ASXL2: variants seen among roughly 807,000 people sequenced by gnomAD.
The protein encoded by ASXL2 is ASXL transcriptional regulator 2.
A neutral mutation model predicts 122.0 loss-of-function variants in ASXL2; 23 were observed. That is an observed-to-expected ratio of 0.19 (90% CI 0.14 to 0.27). The LOEUF (loss-of-function observed/expected upper bound fraction) is 0.27. Ranked by LOEUF, ASXL2 falls within the 10% of genes least tolerant of loss-of-function variation. The pLI is 1.00. For synonymous variants in ASXL2, 650 were observed against 637.0 expected (o/e 1.02, Z -0.31); for missense variants, 1,518 against 1,713.8 (o/e 0.89, Z 2.02).
chr2:25,877,085 T>C (rs530285292), intron 1 of ASXL2, among the ~76,000 whole-genome samples: 10 of 152,324 alleles, frequency 6.6e-5, no homozygotes, highest in African/African-American at 2.4e-4. Context: ...ACATTACTTT[T>C]ATATTTAAAA....
chr2:25,761,937 T>C (rs2088257695), intron 8 of ASXL2, among the ~76,000 whole-genome samples: 1 of 152,020 alleles, frequency 6.6e-6, no homozygotes, highest in African/African-American at 2.4e-5. Flanking sequence ...TGGGTTGAAA[T>C]ACAATACAGA....
chr2:25,750,341 T>G lies in ASXL2; in HGVS notation c.1215A>C (p.Pro405=). 6.2e-7 allele frequency: 1 copy of G among 1,613,924 alleles called. No individual in the cohort carries two copies. The highest frequency in any genetic ancestry group is 8.5e-7 in the Non-Finnish European group (1 of 1,179,868). ...CAGGCATGGATTTTGGTTGTTCAGCTGGGGTTTTCTTTACTTTGGGATCAC... is the reference window on the plus strand; with the variant it reads ...CAGGCATGGATTTTGGTTGTTCAGCGGGGGTTTTCTTTACTTTGGGATCAC... The part of the protein sequence containing the change: ...SPSDPKVKKT[P]AEQPKSMPVS... The change falls in exon 12 of 13, where the codon CCA becomes CCC. Residue 405 remains proline (P), a synonymous_variant. Transcript: ENST00000435504.
intron 3 of ASXL2, among the ~76,000 whole-genome samples, chr2:25,816,986 A>G (rs1325874611): frequency 7.9e-5 from 12 of 152,158 alleles, no homozygotes; most frequent in Non-Finnish European, 1.6e-4. Flanking sequence ...TTATCCAAGC[A>G]TGGTGGTAGG....
intron 1 of ASXL2, among the ~76,000 whole-genome samples, chr2:25,858,223 C>A (rs188204485): frequency 6.6e-6 from 1 of 152,152 alleles, no homozygotes; most frequent in Non-Finnish European, 1.5e-5. Context: ...ACAACTGATT[C>A]TTTTAAATTG....
At chr2:25,827,400 T>C (rs954639367) in intron 3 of ASXL2, among the ~76,000 whole-genome samples, 2 of 152,178 alleles carry the variant, frequency 1.3e-5, no homozygotes, top group African/African-American at 4.8e-5. Flanking sequence ...TTACGTTTGG[T>C]AATTTAGAAA....
intron 3 of ASXL2, among the ~76,000 whole-genome samples, chr2:25,829,287 C>CAT (rs1027909479): frequency 6.7e-6 from 1 of 148,870 alleles, no homozygotes; most frequent in East Asian, 1.9e-4. Context: ...GACACATACA[C>CAT]ATACACACAC....
chr2:25,801,945 T>G (rs548668918), intron 4 of ASXL2, among the ~76,000 whole-genome samples: 1 of 152,336 alleles, frequency 6.6e-6, no homozygotes, highest in Admixed American at 6.5e-5. Flanking sequence ...ATACACAAAC[T>G]GCTCAGTCAG....
At position 25,743,984 on chromosome 2, in the gene ASXL2, C is replaced by T. The variant is rs201533674; in HGVS notation, c.2353G>A (p.Val785Ile). The change falls in exon 13 of 13, where the codon GTC becomes ATC. Residue 785 changes from valine to isoleucine, a missense_variant. Physicochemically the swap from Val to Ile is conservative, Grantham distance 29. Coordinates refer to ENST00000435504, the MANE Select transcript of ASXL2 (RefSeq NM_018263.6). Reference sequence around the variant, plus strand: ...GGGACACTTGTGCATGCTCCACTGACGGCAGGTGTTGGAGGCACTGGGGGG... The same window carrying T: ...GGGACACTTGTGCATGCTCCACTGATGGCAGGTGTTGGAGGCACTGGGGGG... ...QTPPVPPTPA[V>I]SGACTSVPSP... 1.8e-4 allele frequency: 286 copies of T among 1,613,852 alleles called. No homozygotes were observed. Among genetic ancestry groups the T allele is most frequent in the East Asian group, 4.9e-4 (22 of 44,902 alleles).
rs2089167099 is a variant in ASXL2 at position 25,811,288 on chromosome 2, A to G, written c.144-4951T>C. ...TAAATAAATAAATAAATAACAAAAG[A>G]AAACAGTATAACCTAGAAGACAGAG... On this transcript the variant is annotated intron_variant, in intron 3 of 12. Transcript: ENST00000435504. Among the ~76,000 whole-genome samples the G allele has an allele frequency of 3.3e-5, 5 of 152,048 alleles. 1 individual carries two copies. The South Asian group carries it at 1.0e-3, about 32-fold the overall frequency.
chr2:25,846,197 TC>T, intron 1 of ASXL2, among the ~76,000 whole-genome samples: 2 of 152,330 alleles, frequency 1.3e-5, no homozygotes, highest in East Asian at 3.9e-4. Context: ...AGAGGGCATT[TC>T]TAAAGGTTGG....
At chr2:25,780,512 A>G (rs2088616554) in intron 5 of ASXL2, among the ~76,000 whole-genome samples, 1 of 152,192 alleles carries the variant, frequency 6.6e-6, no homozygotes, top group Non-Finnish European at 1.5e-5. Flanking sequence ...TTACTACCTA[A>G]AAATCTATTA....
chr2:25,750,467 A>G, intron 11 of ASXL2, 54 bp from the exon 12 acceptor site: 2 of 1,451,748 alleles, frequency 1.4e-6, no homozygotes, highest in South Asian at 1.4e-5. Flanking sequence ...ATGTTGCGAA[A>G]GCATTCATTA....
At chr2:25,819,459 C>A (rs960330265) in intron 3 of ASXL2, among the ~76,000 whole-genome samples, 1 of 152,000 alleles carries the variant, frequency 6.6e-6, no homozygotes, top group Non-Finnish European at 1.5e-5. Context: ...TTGCATAAAC[C>A]AAGTAATCAC....
chr2:25,768,851 C>A lies in ASXL2; in HGVS notation c.522G>T (p.Gln174His). ...KALKQALKQQ[Q>H]QKKQQQQCRP... ...TGCATTGCTGCTGCTGCTTCTTCTGCTGTTGCTGCTTTAGCGCCTATAAAG... is the reference window on the plus strand; with the variant it reads ...TGCATTGCTGCTGCTGCTTCTTCTGATGTTGCTGCTTTAGCGCCTATAAAG... Residue 174 changes from glutamine (Q) to histidine (H), a missense_variant, in exon 7 of 13, where the codon CAG becomes CAT. Physicochemically the swap from Gln to His is conservative, Grantham distance 24. Transcript: ENST00000435504. 1 of 1,613,602 alleles carries A rather than the reference C, an allele frequency of 6.2e-7. No homozygotes were observed. Among genetic ancestry groups the A allele is most frequent in the Non-Finnish European group, 8.5e-7 (1 of 1,179,640 alleles).
intron 1 of ASXL2, among the ~76,000 whole-genome samples, chr2:25,873,785 C>A (rs900161975): frequency 6.6e-6 from 1 of 151,858 alleles, no homozygotes; most frequent in Non-Finnish European, 1.5e-5. Flanking sequence ...AAAAAAACAC[C>A]CAATGTCCCT....
Position 25,743,390 on chromosome 2 carries a change from T to C in ASXL2, c.2947A>G (p.Thr983Ala). 1.2e-6 allele frequency: 2 copies of C among 1,613,956 alleles called. No homozygotes were observed. Among genetic ancestry groups the C allele is most frequent in the Non-Finnish European group, 1.7e-6 (2 of 1,179,906 alleles). ...TKVEMKTVPL[T>A]AKEERGMGAL... Reference sequence around the variant, plus strand: ...CCCATCCCCCTTTCCTCTTTTGCAGTCAGTGGAACCGTTTTCATTTCAACT... The same window carrying C: ...CCCATCCCCCTTTCCTCTTTTGCAGCCAGTGGAACCGTTTTCATTTCAACT... The change falls in exon 13 of 13, where the codon ACT (threonine) becomes GCT (alanine). Residue 983 changes from threonine to alanine, a missense_variant. Physicochemically the swap from Thr to Ala is moderately conservative, Grantham distance 58 (BLOSUM62 0). Coordinates refer to ENST00000435504, the MANE Select transcript of ASXL2 (RefSeq NM_018263.6).
Position 25,735,647 on chromosome 2 carries a change from G to C in ASXL2, c.*6382C>G, listed in dbSNP as rs776199954. The C allele has an allele frequency of 2.6e-5, 4 of 152,070 alleles. No individual in the cohort carries two copies. Among genetic ancestry groups the C allele is most frequent in the African/African-American group, 9.7e-5 (4 of 41,406 alleles). The allele number at this position is 152,070 out of a possible 1,614,324, so 9.4% of individuals were successfully genotyped here. On this transcript the variant is annotated 3_prime_UTR_variant, in exon 13 of 13. Coordinates refer to ENST00000435504, the MANE Select transcript of ASXL2 (RefSeq NM_018263.6). ...TTATTTACCCAACTGTGTTTGAAAG[G>C]GTTAGTTTAACAAAACACTAACTTA... is the stretch of plus-strand genomic sequence containing the variant.
intron 3 of ASXL2, among the ~76,000 whole-genome samples, chr2:25,826,504 C>T (rs1230195438): frequency 6.6e-6 from 1 of 152,126 alleles, no homozygotes; most frequent in Non-Finnish European, 1.5e-5. Flanking sequence ...TAAGGGACAT[C>T]ACTAATCCAA....
chr2:25,860,791 C>T (rs574290549), intron 1 of ASXL2, among the ~76,000 whole-genome samples: 5 of 150,880 alleles, frequency 3.3e-5, no homozygotes, highest in Non-Finnish European at 5.9e-5. Context: ...GGCTGGTGAT[C>T]ACTTGAGCTC....
Sources: allele counts gnomAD v4.1 joint callset (sites outside exome capture counted in the v4.1 genomes callset), GRCh38; gene constraint gnomAD v4.1.1; transcripts MANE v1.5; gene names NCBI Gene and HGNC (gene_info 2026-07-23, HGNC 2026-07-21).